Variants in ACADL observed in about 807,000 individuals in gnomAD.
ACADL encodes the protein acyl-CoA dehydrogenase long chain.
A neutral mutation model predicts 56.9 loss-of-function variants in ACADL; 60 were observed. The observed-to-expected ratio is 1.05, with a 90% CI of 0.86 to 1.31. The LOEUF (loss-of-function observed/expected upper bound fraction) is 1.31, where lower values mean the gene tolerates loss of function less well. Ranked by LOEUF, ACADL falls within the 50% of genes most tolerant of loss-of-function variation. The pLI is 0.00. For missense variants in ACADL, 484 were observed against 525.5 expected (o/e 0.92, Z 0.77); for synonymous variants, 158 against 179.7 (o/e 0.88, Z 0.97).
chr2:210,217,496 G>T (rs977225745), intron 3 of ACADL: 20 of 160,762 alleles, frequency 1.2e-4, no homozygotes, highest in Non-Finnish European at 5.4e-5. Flanking sequence ...ATTTGCATTT[G>T]ATTGTTACTA....
Position 210,216,469 on chromosome 2 carries a change from T to TATA in ACADL, c.413_414insTAT (p.Ser138_Gly139insIle), listed in dbSNP as rs777770781. ...TTGTAATATAGGACATGACAATACC[T>TATA]GAATGAATACTAAAACCTGGGCCTG... On this transcript the variant is annotated inframe_insertion, in exon 4 of 11. Transcript: ENST00000233710. 1 of 1,613,804 alleles carries TATA rather than the reference T, an allele frequency of 6.2e-7. No individual in the cohort carries two copies. The highest frequency in any genetic ancestry group is 1.1e-5 in the South Asian group (1 of 91,072).
intron 8 of ACADL, among the ~76,000 whole-genome samples, chr2:210,201,639 C>G (rs958336637): frequency 6.6e-6 from 1 of 152,110 alleles, no homozygotes; most frequent in Non-Finnish European, 1.5e-5. Flanking sequence ...CTACCTTTCC[C>G]TTCACAAAGC....
Position 210,216,451 on chromosome 2 carries a change from A to G in ACADL, c.432T>C (p.Tyr144=), listed in dbSNP as rs142571448. The G allele has an allele frequency of 2.0e-5, 32 of 1,613,890 alleles. No homozygotes were observed. In the African/African-American group the frequency reaches 3.7e-4, roughly 19 times the overall value. ...FSIHSGIVMS[Y]ITNHGSEEQI... ...GTTCTTCTGAGCCATGGTTTGTAAT[A>G]TAGGACATGACAATACCTGAATGAA... The change falls in exon 4 of 11, where the codon TAT becomes TAC. Residue 144 remains tyrosine, a synonymous_variant. Coordinates refer to ENST00000233710, the MANE Select transcript of ACADL (RefSeq NM_001608.4).
intron 3 of ACADL, 179 bp downstream of exon 3, chr2:210,217,786 C>T: frequency 8.5e-6 from 6 of 707,306 alleles, no homozygotes; most frequent in East Asian, 5.6e-5. Context: ...TCTTATTATC[C>T]CACATTCAAA....
In ACADL at chr2:210,204,633, A is replaced by G. The variant is rs1435088538; in HGVS notation, c.818T>C (p.Leu273Pro). ...GAAGCCTTTATTCTCTTCTCCAAGT[A>G]GGGCACTAGCTGGCAACCGTATATC... is the stretch of plus-strand genomic sequence containing the variant. ...FEDIRLPASA[L>P]LGEENKGFYY... Residue 273 changes from leucine to proline, a missense_variant, in exon 7 of 11, where the codon CTA (leucine) becomes CCA (proline). Physicochemically the swap from Leu to Pro is moderately conservative, Grantham distance 98. Coordinates refer to ENST00000233710, the MANE Select transcript of ACADL (RefSeq NM_001608.4). 6.2e-7 allele frequency: 1 copy of G among 1,613,170 alleles called. No individual in the cohort carries two copies. Among genetic ancestry groups the G allele is most frequent in the African/African-American group, 1.3e-5 (1 of 74,888 alleles).
chr2:210,221,504 A>C (rs1689175423), intron 1 of ACADL, among the ~76,000 whole-genome samples: 1 of 152,102 alleles, frequency 6.6e-6, no homozygotes, highest in South Asian at 2.1e-4. Context: ...CATTTTGTAC[A>C]TTTTCAAGTT....
chr2:210,199,575 A>G (rs1472256470), intron 8 of ACADL, among the ~76,000 whole-genome samples: 1 of 152,048 alleles, frequency 6.6e-6, no homozygotes, highest in Non-Finnish European at 1.5e-5. Flanking sequence ...ATGCCTTCTG[A>G]GCCATTCAGG....
chr2:210,195,362 A>G (rs1267636713), intron 8 of ACADL, 24 bp from the exon 9 acceptor site: 10 of 1,601,956 alleles, frequency 6.2e-6, no homozygotes, highest in Non-Finnish European at 7.7e-6. Context: ...GAAATAAAAG[A>G]AAAAAGTGAG....
At chr2:210,221,463 C>T (rs148490181) in intron 1 of ACADL, among the ~76,000 whole-genome samples, 268 of 152,218 alleles carry the variant, frequency 1.8e-3, no homozygotes, top group Admixed American at 4.4e-3. Flanking sequence ...CCTTGAAGTA[C>T]CCCTGAAAGA....
chr2:210,197,278 C>G (rs1041422335), intron 8 of ACADL, among the ~76,000 whole-genome samples: 2 of 152,022 alleles, frequency 1.3e-5, no homozygotes, highest in African/African-American at 4.8e-5. Context: ...AGGTTGGCAC[C>G]CCACTCCTTC....
At chr2:210,210,422 C>A (rs150232893) in intron 4 of ACADL, among the ~76,000 whole-genome samples, 160 bp from the exon 5 acceptor site, 1 of 152,272 alleles carries the variant, frequency 6.6e-6, no homozygotes, top group East Asian at 1.9e-4. Context: ...AAAAACCATG[C>A]TGATCTATTA....
chr2:210,218,088 C>G lies in ACADL; in HGVS notation c.248G>C (p.Gly83Ala). The G allele has an allele frequency of 6.2e-7, 1 of 1,613,716 alleles. No individual in the cohort carries two copies. Among genetic ancestry groups the G allele is most frequent in the Non-Finnish European group, 8.5e-7 (1 of 1,179,868 alleles). ...IPHHSEWEKA[G>A]EVSREVWEKA... ...TTCCCAAACCTCCCTACTTACTTCTCCAGCTTTCTCCCATCTGCAAATAAC... is the reference window on the plus strand; with the variant it reads ...TTCCCAAACCTCCCTACTTACTTCTGCAGCTTTCTCCCATCTGCAAATAAC... The change falls in exon 3 of 11, where the codon GGA becomes GCA. Residue 83 changes from glycine to alanine, a missense_variant. Gly to Ala is a moderately conservative substitution (Grantham distance 60). Transcript: ENST00000233710.
rs572813263 is a variant in ACADL, at chr2:210,221,303, A to G, written c.78-501T>C. 1.8e-4 allele frequency among the ~76,000 whole-genome samples: 28 copies of G among 152,318 alleles called. No individual in the cohort carries two copies. In the South Asian group the frequency reaches 3.1e-3, roughly 17 times the overall value. On this transcript the variant is annotated intron_variant, in intron 1 of 10. Coordinates refer to ENST00000233710, the MANE Select transcript of ACADL (RefSeq NM_001608.4). ...ATGTAATCGCCACATTACAAAGCCAATCTGGGTGGAGATAAAAATACCCAT... is the reference window on the plus strand; with the variant it reads ...ATGTAATCGCCACATTACAAAGCCAGTCTGGGTGGAGATAAAAATACCCAT...
chr2:210,211,896 T>A (rs1688988763), intron 4 of ACADL, among the ~76,000 whole-genome samples: 1 of 151,334 alleles, frequency 6.6e-6, no homozygotes, highest in Non-Finnish European at 1.5e-5. Flanking sequence ...AATGGCACAA[T>A]CTTGGTTCAT....
At chr2:210,224,092 G>A (rs1848709) in intron 1 of ACADL, among the ~76,000 whole-genome samples, 157 of 151,936 alleles carry the variant, frequency 1.0e-3, no homozygotes, top group African/African-American at 3.6e-3. Flanking sequence ...GTGGTGGTGC[G>A]TGCCTGTAGT....
At chr2:210,190,065 G>T (rs999299322) in intron 10 of ACADL, among the ~76,000 whole-genome samples, 5 of 150,988 alleles carry the variant, frequency 3.3e-5, no homozygotes, top group Non-Finnish European at 3.0e-5. Flanking sequence ...TTGGTGTTTT[G>T]TTTTGTTTAA....
Position 210,188,242 on chromosome 2 carries a change from A to G in ACADL, c.*719T>C, listed in dbSNP as rs186651464. On this transcript the variant is annotated 3_prime_UTR_variant, in exon 11 of 11. Coordinates refer to ENST00000233710, the MANE Select transcript of ACADL (RefSeq NM_001608.4). ...CATTGCTTTGATACCTATAAAATGT[A>G]CCAATATCTTGAAATTAAAAATGAT... 5.9e-5 allele frequency: 9 copies of G among 152,396 alleles called. No individual in the cohort carries two copies. Among genetic ancestry groups the G allele is most frequent in the Admixed American group, 3.9e-4 (6 of 15,308 alleles). The allele number at this position is 152,396 out of a possible 1,614,324, so 9.4% of individuals were successfully genotyped here.
intron 4 of ACADL, 74 bp downstream of exon 4, chr2:210,216,273 T>C (rs1458393445): frequency 6.6e-6 from 10 of 1,514,418 alleles, no homozygotes; most frequent in Non-Finnish European, 9.1e-6. Context: ...GCTCAGTCTA[T>C]GTATTAACCA....
chr2:210,218,475 C>T lies in ACADL; in HGVS notation c.234-373G>A, dbSNP rs115017982. 2,290 of 239,106 alleles carry T rather than the reference C, an allele frequency of 9.6e-3. 68 individuals carry two copies. Among genetic ancestry groups the T allele is most frequent in the African/African-American group, 0.051 (2,161 of 42,544 alleles). The allele number at this position is 239,106 out of a possible 1,614,324, so 14.8% of individuals were successfully genotyped here. On this transcript the variant is annotated intron_variant, in intron 2 of 10. Coordinates refer to ENST00000233710, the MANE Select transcript of ACADL (RefSeq NM_001608.4). ...AAAAAAAAATTTTTTTTTGTAGAGA[C>T]GGGGTCTTATTATGTTGCCCATGCT...
Sources: gnomAD v4.1 joint callset for allele counts (sites outside exome capture counted in the v4.1 genomes callset) on GRCh38, gnomAD v4.1.1 for gene constraint, MANE v1.5 for transcripts, NCBI Gene and HGNC (gene_info 2026-07-23, HGNC 2026-07-21) for gene names.